MAP2K2: variants seen among roughly 807,000 people sequenced by gnomAD.
MAP2K2 encodes mitogen-activated protein kinase kinase 2, also known as dual specificity mitogen-activated protein kinase kinase 2.
MAP2K2 carries 24 observed loss-of-function variants against 43.7 expected under a neutral mutation model. That is an observed-to-expected ratio of 0.55 (90% confidence interval 0.40 to 0.77). MAP2K2 has a LOEUF of 0.77. MAP2K2 is among the 30% of genes least tolerant of loss of function. The pLI, the probability that MAP2K2 is intolerant of heterozygous loss-of-function variation, is 0.00. For missense variants in MAP2K2, 470 were observed against 566.8 expected (o/e 0.83, Z 1.73); for synonymous variants, 244 against 239.7 (o/e 1.02, Z -0.17).
chr19:4,108,043 A>C (rs1213121143), intron 3 of MAP2K2, among the ~76,000 whole-genome samples: 1 of 152,126 alleles, frequency 6.6e-6, no homozygotes, highest in Non-Finnish European at 1.5e-5. Flanking sequence ...GAGGGAATGA[A>C]TCAGGTGCTG....
At chr19:4,114,512 A>C (rs1049064064) in intron 2 of MAP2K2, among the ~76,000 whole-genome samples, 6 of 152,234 alleles carry the variant, frequency 3.9e-5, no homozygotes, top group Non-Finnish European at 1.5e-5. Flanking sequence ...TGGACAATTC[A>C]AAGAAGCCCC....
At chr19:4,113,113 C>G (rs532726524) in intron 2 of MAP2K2, among the ~76,000 whole-genome samples, 15 of 152,262 alleles carry the variant, frequency 9.9e-5, no homozygotes, top group African/African-American at 3.4e-4. Flanking sequence ...CAGGAAAGAG[C>G]GCGCGTTCGG....
At chr19:4,119,631 G>C (rs1415908577) in intron 1 of MAP2K2, among the ~76,000 whole-genome samples, 4 of 152,206 alleles carry the variant, frequency 2.6e-5, no homozygotes, top group Non-Finnish European at 5.9e-5. Context: ...TCCGTCTTAA[G>C]CCTTTGAAAT....
rs2040973640 is a variant in MAP2K2 at position 4,099,706 on chromosome 19, G to A, written c.706-292C>T. 6.4e-6 allele frequency: 3 copies of A among 471,618 alleles called. No individual in the cohort carries two copies. The South Asian group carries it at 8.9e-5, about 14-fold the overall frequency. The allele number at this position is 471,618 out of a possible 1,614,324, so 29.2% of individuals were successfully genotyped here. A position where few individuals can be genotyped will look rare whatever the true frequency, so the allele number is the denominator to read the frequency against. ...GGATGATGGGCCCCAGGAAGCAGGG[G>A]CCTCCTCCTCCACAGCTAACATCTC... On this transcript the variant is annotated intron_variant, in intron 6 of 10. Coordinates refer to ENST00000262948, the MANE Select transcript of MAP2K2 (RefSeq NM_030662.4).
chr19:4,110,114 G>A (rs2041135585), intron 3 of MAP2K2, among the ~76,000 whole-genome samples: 1 of 152,146 alleles, frequency 6.6e-6, no homozygotes, highest in Admixed American at 6.6e-5. Context: ...GACCAGCCTG[G>A]CCAAGATGGT....
rs1304984012 is a variant in MAP2K2, at chr19:4,110,654, A to G, written c.305T>C (p.Leu102Pro). 3 of 1,611,930 alleles carry G rather than the reference A, an allele frequency of 1.9e-6. No individual in the cohort carries two copies. Among genetic ancestry groups the G allele is most frequent in the African/African-American group, 1.3e-5 (1 of 74,934 alleles). The change falls in exon 3 of 11, where the codon CTG becomes CCG. Residue 102 changes from leucine (L) to proline (P), a missense_variant and splice_region_variant. Leu to Pro is a moderately conservative substitution (Grantham distance 98). Coordinates refer to ENST00000262948, the MANE Select transcript of MAP2K2 (RefSeq NM_030662.4). ...RPSGLIMARK[L>P]IHLEIKPAIR... ...GGCCGGCTTGATCTCAAGGTGGATC[A>G]GCTGCAAGGGGAGAGGGGCGAGACT...
chr19:4,091,014 C>G (rs916205081), intron 10 of MAP2K2, among the ~76,000 whole-genome samples: 6 of 152,220 alleles, frequency 3.9e-5, no homozygotes, highest in Non-Finnish European at 8.8e-5. Flanking sequence ...CAGGGTCCTC[C>G]GGCCGCTGTG....
At chr19:4,109,315 AG>A (rs1346303662) in intron 3 of MAP2K2, among the ~76,000 whole-genome samples, 1 of 152,178 alleles carries the variant, frequency 6.6e-6, no homozygotes, top group East Asian at 1.9e-4. Flanking sequence ...GAGTCAATGA[AG>A]GGGGTGCCTG....
chr19:4,108,678 T>C (rs989757279), intron 3 of MAP2K2, among the ~76,000 whole-genome samples: 1 of 152,088 alleles, frequency 6.6e-6, no homozygotes, highest in South Asian at 2.1e-4. Context: ...ACCCCCATTT[T>C]AAATTCACCA....
chr19:4,102,514 C>T (rs1042498043), intron 3 of MAP2K2, 61 bp from the exon 4 acceptor site: 38 of 1,263,256 alleles, frequency 3.0e-5, no homozygotes, highest in Middle Eastern at 1.9e-4. Context: ...GCCACGGATG[C>T]GTCCCCCCAC....
Position 4,101,370 on chromosome 19 carries a change from C to T in MAP2K2, c.529-90G>A, listed in dbSNP as rs1053739998. 1 of 1,418,878 alleles carries T rather than the reference C, an allele frequency of 7.0e-7. No homozygotes were observed. Among genetic ancestry groups the T allele is most frequent in the African/African-American group, 1.4e-5 (1 of 70,296 alleles). 87.9% of individuals were successfully genotyped at this position (1,418,878 alleles called of 1,614,324 possible). A position where few individuals can be genotyped will look rare whatever the true frequency, so the allele number is the denominator to read the frequency against. The stretch of plus-strand genomic sequence containing the variant: ...GGGGGTCAGAGCTGAGCAGTCAGAG[C>T]TGGAGCGAGGGAGCTGCGGCAGGAA... On this transcript the variant is annotated intron_variant, in intron 4 of 10. Coordinates refer to ENST00000262948, the MANE Select transcript of MAP2K2 (RefSeq NM_030662.4). The surrounding 1 kb of genome is among the most constrained non-coding windows in gnomAD (Gnocchi z 6.3).
chr19:4,095,760 C>G lies in MAP2K2; in HGVS notation c.985-311G>C, dbSNP rs915840174. On this transcript the variant is annotated intron_variant, in intron 8 of 10. Transcript: ENST00000262948. ...GGATGAGCTTTGGGACTGGGCCCCA[C>G]AGAGGGACATCTGGATCCAAAGTTA... 4.6e-5 allele frequency among the ~76,000 whole-genome samples: 7 copies of G among 152,174 alleles called. 1 individual carries two copies. Among genetic ancestry groups the G allele is most frequent in the Admixed American group, 3.3e-4 (5 of 15,266 alleles).
In MAP2K2 at chr19:4,095,372, G is replaced by A. The variant is rs906888337; in HGVS notation, c.1046+16C>T. On this transcript the variant is annotated intron_variant, in intron 9 of 10. Transcript: ENST00000262948. ...TGGGTCCCGGCCAGGGGTGTGGGCA[G>A]CCCGGCTCCACCTACCATTTATTGA... 1 of 1,550,526 alleles carries A rather than the reference G, an allele frequency of 6.4e-7. No homozygotes were observed. Among genetic ancestry groups the A allele is most frequent in the East Asian group, 2.4e-5 (1 of 40,894 alleles).
rs527772954 is a variant in MAP2K2 at position 4,102,515 on chromosome 19, G to A, written c.451-62C>T. 422 of 1,265,590 alleles carry A rather than the reference G, an allele frequency of 3.3e-4. 4 individuals carry two copies. Among genetic ancestry groups the A allele is most frequent in the South Asian group, 2.0e-3 (162 of 79,072 alleles). The allele number at this position is 1,265,590 out of a possible 1,614,324, so 78.4% of individuals were successfully genotyped here. A position where few individuals can be genotyped will look rare whatever the true frequency, so the allele number is the denominator to read the frequency against. On this transcript the variant is annotated intron_variant, in intron 3 of 10. Transcript: ENST00000262948. Reference sequence around the variant, plus strand: ...CAGGTGGCCGGGAAGCCACGGATGCGTCCCCCCACTCCCGGCGAGGGGGTG... The same window carrying A: ...CAGGTGGCCGGGAAGCCACGGATGCATCCCCCCACTCCCGGCGAGGGGGTG...
chr19:4,090,748 T>C (rs1227228855), intron 10 of MAP2K2, 40 bp from the exon 11 acceptor site: 57 of 1,393,848 alleles, frequency 4.1e-5, no homozygotes, highest in Non-Finnish European at 5.4e-5. Context: ...GGGCCTGGAG[T>C]CACAGTAGGA....
At chr19:4,098,106 TA>T (rs1481171849) in intron 7 of MAP2K2, among the ~76,000 whole-genome samples, 1 of 152,224 alleles carries the variant, frequency 6.6e-6, no homozygotes. Context: ...CATAAAATAC[TA>T]CTCAGCCTTT....
rs533247725 is a variant in MAP2K2, at chr19:4,090,603, C to T, written c.1198G>A (p.Val400Met). 136 of 1,550,918 alleles carry T rather than the reference C, an allele frequency of 8.8e-5. 1 individual carries two copies. The East Asian group carries it at 3.0e-3, about 34-fold the overall frequency. The change falls in exon 11 of 11, where the codon GTG (valine) becomes ATG (methionine). Residue 400 changes from valine to methionine, a missense_variant. Around this residue, in one of 3 missense-constraint regions of MAP2K2, gnomAD observed 212 missense variants for 220.8 expected, o/e 0.96. Transcript: ENST00000262948. ...NQPGTPTRTA[V>M] ...CGCAGGGAGCCCGGCCACTGTCACA[C>T]GGCGGTGCGCGTGGGTGTGCCGGGC...
At chr19:4,098,034 A>G (rs939081868) in intron 7 of MAP2K2, among the ~76,000 whole-genome samples, 1 of 152,192 alleles carries the variant, frequency 6.6e-6, no homozygotes, top group African/African-American at 2.4e-5. Flanking sequence ...AGTGCTATGA[A>G]AATCTCCTTC....
chr19:4,117,148 C>G (rs1375749315), intron 2 of MAP2K2, among the ~76,000 whole-genome samples: 3 of 152,208 alleles, frequency 2.0e-5, no homozygotes. Flanking sequence ...CCCCCACGTG[C>G]TAGCTTTCTG....
Sources: allele counts gnomAD v4.1 joint callset (sites outside exome capture counted in the v4.1 genomes callset), GRCh38; gene constraint gnomAD v4.1.1; regional missense constraint gnomAD v4.1.1; non-coding constraint Gnocchi (gnomAD v3.1); transcripts MANE v1.5; gene names NCBI Gene and HGNC (gene_info 2026-07-23, HGNC 2026-07-21).